The following CDIN1 variants were observed in gnomAD, a reference collection of about 807,000 sequenced individuals.
CDIN1 encodes CDAN1-interacting nuclease 1.
Under a neutral mutation model 45.3 loss-of-function variants are expected in CDIN1, and 33 were observed. The ratio of observed to expected loss-of-function variants is 0.73; its 90% CI spans 0.55 to 0.97. The LOEUF is 0.97. CDIN1 is among the 50% of genes least tolerant of loss of function. The pLI, the probability that CDIN1 is intolerant of heterozygous loss-of-function variation, is 0.00. For missense variants in CDIN1, 303 were observed against 339.4 expected, an observed-to-expected ratio of 0.89 and a Z score of 0.84; for synonymous variants, 118 against 124.4, an observed-to-expected ratio of 0.95 and a Z score of 0.34.
chr15:36,642,361 T>C (rs2040143539), intron 1 of CDIN1, among the ~76,000 whole-genome samples: 1 of 152,316 alleles, frequency 6.6e-6, no homozygotes, highest in Non-Finnish European at 1.5e-5. Context: ...ACCAAAACAT[T>C]GTGGACCCGA....
intron 1 of CDIN1, 118 bp downstream of exon 1, chr15:36,580,079 G>T: frequency 1.2e-6 from 1 of 830,022 alleles, no homozygotes; most frequent in East Asian, 2.7e-5. Context: ...ACCAGTGTCA[G>T]GCGTTAGGAG....
intron 10 of CDIN1, among the ~76,000 whole-genome samples, chr15:36,737,168 A>C (rs2044057329): frequency 1.6e-5 from 2 of 128,626 alleles, no homozygotes; most frequent in Admixed American, 1.5e-4. Flanking sequence ...ACCCGGTCTC[A>C]AAAAAAAAAA....
chr15:36,677,032 C>T (rs2041673178), intron 5 of CDIN1, among the ~76,000 whole-genome samples: 1 of 152,144 alleles, frequency 6.6e-6, no homozygotes, highest in Non-Finnish European at 1.5e-5. Flanking sequence ...TCACGGTTTA[C>T]CTCAAGATCC....
chr15:36,756,471 CCT>C (rs1555404907), intron 10 of CDIN1, among the ~76,000 whole-genome samples: 1 of 152,102 alleles, frequency 6.6e-6, no homozygotes, highest in Non-Finnish European at 1.5e-5. Context: ...CTGCTCTTTC[CCT>C]CTCTCTCTAA....
intron 10 of CDIN1, among the ~76,000 whole-genome samples, chr15:36,763,368 G>T (rs572033152): frequency 1.2e-4 from 18 of 151,960 alleles, no homozygotes; most frequent in African/African-American, 4.3e-4. Flanking sequence ...TGTTTGAGTT[G>T]CCCCGTACTT....
At chr15:36,716,371 A>T (rs1260984861) in intron 10 of CDIN1, among the ~76,000 whole-genome samples, 1 of 152,146 alleles carries the variant, frequency 6.6e-6, no homozygotes, top group African/African-American at 2.4e-5. Flanking sequence ...ACACACCATT[A>T]TGATCATCCA....
intron 10 of CDIN1, among the ~76,000 whole-genome samples, chr15:36,782,664 A>C (rs1256584364): frequency 6.6e-6 from 1 of 152,214 alleles, no homozygotes; most frequent in Non-Finnish European, 1.5e-5. Flanking sequence ...ATTATAATGC[A>C]AATTACATTT....
chr15:36,682,919 A>G (rs1450599109), intron 5 of CDIN1, among the ~76,000 whole-genome samples: 1 of 152,218 alleles, frequency 6.6e-6, no homozygotes, highest in Non-Finnish European at 1.5e-5. Context: ...AACAAAAATA[A>G]CAGACACAAT....
chr15:36,582,508 C>T (rs1248910371), intron 1 of CDIN1, among the ~76,000 whole-genome samples: 1 of 152,134 alleles, frequency 6.6e-6, no homozygotes, highest in African/African-American at 2.4e-5. Flanking sequence ...ATGATTTGTG[C>T]CTTGTTTTAT....
At chr15:36,760,032 A>G (rs1335986826) in intron 10 of CDIN1, among the ~76,000 whole-genome samples, 3 of 152,228 alleles carry the variant, frequency 2.0e-5, no homozygotes, top group African/African-American at 7.2e-5. Context: ...CACTGTATAT[A>G]CTGTAGAGTA....
intron 10 of CDIN1, among the ~76,000 whole-genome samples, chr15:36,765,057 C>CTTTTTTTTTTTTTTTTTTTT (rs377685100): frequency 1.4e-5 from 2 of 139,642 alleles, no homozygotes; most frequent in Admixed American, 7.3e-5. Flanking sequence ...ATTTTTCTTT[C>CTTTTTTTTTTTTTTTTTTTT]TTTCTTTTTT....
At chr15:36,793,081 G>A (rs1357418516) in intron 10 of CDIN1, among the ~76,000 whole-genome samples, 1 of 152,102 alleles carries the variant, frequency 6.6e-6, no homozygotes, top group Non-Finnish European at 1.5e-5. Flanking sequence ...ACTGAACCCA[G>A]AGACACCTCC....
chr15:36,644,858 C>T (rs1256010496), intron 2 of CDIN1, among the ~76,000 whole-genome samples: 1 of 152,110 alleles, frequency 6.6e-6, no homozygotes, highest in Non-Finnish European at 1.5e-5. Flanking sequence ...GTGCAGAGGA[C>T]TTAGATGGAA....
intron 5 of CDIN1, among the ~76,000 whole-genome samples, chr15:36,682,117 T>G (rs2041871083): frequency 6.6e-6 from 1 of 151,976 alleles, no homozygotes; most frequent in Non-Finnish European, 1.5e-5. Context: ...TATACAATTA[T>G]AGAGTCTGAT....
At chr15:36,689,050 C>T (rs779831314) in intron 5 of CDIN1, among the ~76,000 whole-genome samples, 1 of 152,090 alleles carries the variant, frequency 6.6e-6, no homozygotes, top group African/African-American at 2.4e-5. Flanking sequence ...TGCTGTTATT[C>T]CATTTAAAAC....
chr15:36,747,632 C>T (rs890292915), intron 10 of CDIN1, among the ~76,000 whole-genome samples: 2 of 152,118 alleles, frequency 1.3e-5, no homozygotes, highest in Admixed American at 6.5e-5. Context: ...ATTTAAGTCA[C>T]TCAGTGTTGA....
intron 1 of CDIN1, among the ~76,000 whole-genome samples, chr15:36,616,093 T>C (rs557575721): frequency 6.6e-6 from 1 of 152,298 alleles, no homozygotes; most frequent in African/African-American, 2.4e-5. Context: ...CTTCTCATTA[T>C]CTGGAATTCA....
intron 10 of CDIN1, among the ~76,000 whole-genome samples, chr15:36,761,361 C>T (rs1180313276): frequency 6.6e-6 from 1 of 152,206 alleles, no homozygotes; most frequent in African/African-American, 2.4e-5. Context: ...CTTATTGGCT[C>T]TTCTTACCTC....
intron 1 of CDIN1, chr15:36,613,899 C>T: frequency 6.4e-6 from 10 of 1,554,922 alleles, no homozygotes; most frequent in Non-Finnish European, 8.8e-6. Context: ...TTGGAACGCA[C>T]AGAGAATGAG....
Sources: allele counts gnomAD v4.1 joint callset (sites outside exome capture counted in the v4.1 genomes callset), GRCh38; gene constraint gnomAD v4.1.1; transcripts MANE v1.5; gene names NCBI Gene and HGNC (gene_info 2026-07-23, HGNC 2026-07-21).